The following KIF21A variants were observed in gnomAD, a reference collection of about 807,000 sequenced individuals.
KIF21A encodes the protein kinesin-like protein KIF21A.
KIF21A carries 114 observed loss-of-function variants against 202.9 expected under a neutral mutation model. The ratio of observed to expected loss-of-function variants is 0.56; its 90% confidence interval spans 0.48 to 0.66. The LOEUF is 0.66. Ranked by LOEUF, KIF21A falls within the 30% of genes least tolerant of loss-of-function variation. The pLI is 0.00. For synonymous variants in KIF21A, 667 were observed against 670.8 expected (o/e 0.99, Z 0.09); for missense variants, 1,677 against 1,994.9 (o/e 0.84, Z 3.04).
In KIF21A at chr12:39,293,934, A is replaced by G. The variant is rs937987442; in HGVS notation, c.*490T>C. ...TTATTTTTGTCCATTACATTAAAAG[A>G]GCTTTGAAATTTGGGAATCCACTAC... On this transcript the variant is annotated 3_prime_UTR_variant, in exon 38 of 38. Transcript: ENST00000361418. 6.4e-6 allele frequency: 1 copy of G among 155,744 alleles called. No individual in the cohort carries two copies. The highest frequency in any genetic ancestry group is 1.4e-5 in the Non-Finnish European group (1 of 70,132). 9.6% of individuals were successfully genotyped at this position (155,744 alleles called of 1,614,324 possible). A position where few individuals can be genotyped will look rare whatever the true frequency, so the allele number is the denominator to read the frequency against.
chr12:39,373,769 T>G (rs551266538), intron 1 of KIF21A, among the ~76,000 whole-genome samples: 10 of 152,322 alleles, frequency 6.6e-5, no homozygotes, highest in African/African-American at 1.9e-4. Flanking sequence ...CTAATGTCAC[T>G]CAGAATGTCT....
intron 1 of KIF21A, among the ~76,000 whole-genome samples, chr12:39,425,433 G>A (rs1954668042): frequency 6.6e-6 from 1 of 152,042 alleles, no homozygotes; most frequent in Non-Finnish European, 1.5e-5. Flanking sequence ...TTTCACCTCT[G>A]ATGTTAAAGA....
intron 1 of KIF21A, among the ~76,000 whole-genome samples, chr12:39,384,480 G>C (rs1405945276): frequency 1.3e-5 from 2 of 152,128 alleles, no homozygotes; most frequent in Non-Finnish European, 2.9e-5. Context: ...CCTGATTCTG[G>C]ATCATGTCTC....
chr12:39,424,944 A>G (rs530455485), intron 1 of KIF21A, among the ~76,000 whole-genome samples: 21 of 152,182 alleles, frequency 1.4e-4, no homozygotes, highest in Non-Finnish European at 2.8e-4. Flanking sequence ...CCAGACCTAT[A>G]AGGCCCTTAA....
rs979283122 is a variant in KIF21A at position 39,358,053 on chromosome 12, G to A, written c.1215+125C>T. The A allele has an allele frequency of 1.5e-5, 12 of 819,216 alleles. No individual in the cohort carries two copies. The Admixed American group carries it at 2.2e-4, about 15-fold the overall frequency. The allele number at this position is 819,216 out of a possible 1,614,324, so 50.7% of individuals were successfully genotyped here. On this transcript the variant is annotated intron_variant, in intron 8 of 37. Transcript: ENST00000361418. ...AAACTAGAGACTCTTACCTCCAAAA[G>A]GAAGGAGGACACTATTATGACAACC...
intron 1 of KIF21A, among the ~76,000 whole-genome samples, chr12:39,423,909 G>C (rs905214342): frequency 3.3e-5 from 5 of 150,256 alleles, no homozygotes; most frequent in Admixed American, 2.7e-4. Flanking sequence ...ACTTGAACCT[G>C]GGAGGCGGAG....
At chr12:39,316,031 T>C (rs1944502962) in intron 29 of KIF21A, 61 bp from the exon 30 acceptor site, 1 of 1,156,984 alleles carries the variant, frequency 8.6e-7, no homozygotes, top group Non-Finnish European at 1.3e-6. Context: ...GTAAGGACAC[T>C]GACTTTGGAC....
At chr12:39,300,165 A>C (rs1319318017) in intron 37 of KIF21A, among the ~76,000 whole-genome samples, 1 of 152,176 alleles carries the variant, frequency 6.6e-6, no homozygotes, top group African/African-American at 2.4e-5. Context: ...CTGGAAGGTA[A>C]GTAAGTACAA....
intron 1 of KIF21A, among the ~76,000 whole-genome samples, chr12:39,440,925 G>A (rs1162730471): frequency 6.6e-6 from 1 of 152,028 alleles, no homozygotes; most frequent in Non-Finnish European, 1.5e-5. Context: ...TGAGATTAGA[G>A]GATTGCTTGA....
intron 13 of KIF21A, 129 bp from the exon 14 acceptor site, chr12:39,341,751 G>T: frequency 9.6e-7 from 1 of 1,043,926 alleles, no homozygotes; most frequent in Non-Finnish European, 1.4e-6. Context: ...GTATAAAAAT[G>T]TTAAGGTTAT....
intron 33 of KIF21A, 62 bp downstream of exon 33, chr12:39,309,524 T>TAAA (rs779661888): frequency 9.8e-5 from 102 of 1,042,742 alleles, no homozygotes; most frequent in South Asian, 1.3e-4. Flanking sequence ...CTTATATTTG[T>TAAA]AAAAAAAAAA....
In KIF21A at chr12:39,416,815, G is replaced by GTACATATATATGTGTATA. The variant is rs1566271464; in HGVS notation, c.44+26111_44+26112insTATACACATATATATGTA. Among the ~76,000 whole-genome samples, 447 of 94,072 alleles carry GTACATATATATGTGTATA rather than the reference G, an allele frequency of 4.8e-3. 33 individuals carry two copies. Among genetic ancestry groups the GTACATATATATGTGTATA allele is most frequent in the Middle Eastern group, 0.011 (2 of 176 alleles). 61.7% of individuals were successfully genotyped at this position (94,072 alleles called of 152,430 possible). The stretch of plus-strand genomic sequence containing the variant: ...TATATATATGTACATATATATGTGT[G>GTACATATATATGTGTATA]TATATATGTACATATATGTGTATAT... On this transcript the variant is annotated intron_variant, in intron 1 of 37. Transcript: ENST00000361418.
At chr12:39,406,354 A>G (rs1051628170) in intron 1 of KIF21A, among the ~76,000 whole-genome samples, 10 of 152,178 alleles carry the variant, frequency 6.6e-5, no homozygotes, top group Admixed American at 5.9e-4. Flanking sequence ...TATCTGCCCA[A>G]TGCCAAAAGA....
chr12:39,321,810 C>T (rs1320054744), intron 27 of KIF21A: 2 of 152,126 alleles, frequency 1.3e-5, no homozygotes, highest in African/African-American at 4.8e-5. Context: ...TGTATTCATT[C>T]CATAAATTAT....
At chr12:39,385,771 G>T (rs1174426748) in intron 1 of KIF21A, among the ~76,000 whole-genome samples, 1 of 151,950 alleles carries the variant, frequency 6.6e-6, no homozygotes, top group Non-Finnish European at 1.5e-5. Flanking sequence ...TATTAATGAG[G>T]GAAAAACTCA....
chr12:39,418,500 T>C (rs1953971020), intron 1 of KIF21A, among the ~76,000 whole-genome samples: 1 of 152,194 alleles, frequency 6.6e-6, no homozygotes, highest in Admixed American at 6.5e-5. Context: ...GTTCCTAATA[T>C]CTGATTATGA....
intron 12 of KIF21A, among the ~76,000 whole-genome samples, chr12:39,345,883 A>C (rs1245135639): frequency 6.6e-6 from 1 of 152,098 alleles, no homozygotes; most frequent in African/African-American, 2.4e-5. Flanking sequence ...GTCCACTTCA[A>C]ATACATTTTA....
intron 10 of KIF21A, among the ~76,000 whole-genome samples, chr12:39,352,433 A>C (rs994311936): frequency 6.6e-6 from 1 of 152,190 alleles, no homozygotes; most frequent in African/African-American, 2.4e-5. Context: ...CAATTTTTTC[A>C]TATTTCCTGA....
chr12:39,326,409 C>G, intron 24 of KIF21A, 85 bp from the exon 25 acceptor site: 1 of 863,906 alleles, frequency 1.2e-6, no homozygotes. Context: ...TAATAAACAA[C>G]AGCTCAACAT....
Sources: gnomAD v4.1 joint callset for allele counts (sites outside exome capture counted in the v4.1 genomes callset) on GRCh38, gnomAD v4.1.1 for gene constraint, MANE v1.5 for transcripts, NCBI Gene and HGNC (gene_info 2026-07-23, HGNC 2026-07-21) for gene names.